Variants in IGHMBP2 observed in about 807,000 individuals in gnomAD.
The protein encoded by IGHMBP2 is DNA-binding protein SMUBP-2.
Under a neutral mutation model 96.0 loss-of-function variants are expected in IGHMBP2, and 81 were observed. The ratio of observed to expected loss-of-function variants is 0.84; its 90% CI spans 0.71 to 1.01. The LOEUF is 1.01. Among genes scored for constraint, IGHMBP2 ranks in the 50% least tolerant of loss-of-function variants. The probability of loss-of-function intolerance (pLI) is 0.00; values close to 1 mark genes in which losing one functional copy is unlikely to be tolerated. For missense variants in IGHMBP2, 1,227 were observed against 1,306.3 expected (o/e 0.94, Z 0.94); for synonymous variants, 557 against 548.9 (o/e 1.01, Z -0.21).
chr11:68,906,152 C>A lies in IGHMBP2; in HGVS notation c.170C>A (p.Thr57Asn). The A allele has an allele frequency of 6.2e-7, 1 of 1,614,194 alleles. No homozygotes were observed. The highest frequency in any genetic ancestry group is 8.5e-7 in the Non-Finnish European group (1 of 1,180,034). Reference sequence around the variant, plus strand: ...AAGCTGCAGGTATCCAGCCAGCGCACTGGGCTGTACGGACGGCTGCTGGTC... The same window carrying A: ...AAGCTGCAGGTATCCAGCCAGCGCAATGGGCTGTACGGACGGCTGCTGGTC... Reference protein sequence around the residue: ...LLKLQVSSQRTGLYGRLLVTF... With the variant: ...LLKLQVSSQRNGLYGRLLVTF... Residue 57 changes from threonine (T) to asparagine (N), a missense_variant, in exon 2 of 15, where the codon ACT (threonine) becomes AAT (asparagine). Thr to Asn is a moderately conservative substitution (Grantham distance 65, BLOSUM62 0). Transcript: ENST00000255078.
intron 5 of IGHMBP2, among the ~76,000 whole-genome samples, chr11:68,911,834 G>A (rs1221246600): frequency 3.9e-5 from 6 of 152,258 alleles, no homozygotes; most frequent in Non-Finnish European, 8.8e-5. Flanking sequence ...GGCTCCTGGA[G>A]CCCTTTGAGG....
chr11:68,906,234 T>G lies in IGHMBP2; in HGVS notation c.252T>G (p.Thr84=). 6.2e-7 allele frequency: 1 copy of G among 1,614,046 alleles called. No individual in the cohort carries two copies. The highest frequency in any genetic ancestry group is 1.3e-5 in the African/African-American group (1 of 75,032). Residue 84 remains threonine (T), a synonymous_variant, in exon 2 of 15, where the codon ACT becomes ACG. Transcript: ENST00000255078. Reference sequence around the variant, plus strand: ...CAGCTCTTCCCAGTAACAGCTTTACTTCTGGTGTGTGCGTATTGACCTAGA... The same window carrying G: ...CAGCTCTTCCCAGTAACAGCTTTACGTCTGGTGTGTGCGTATTGACCTAGA... The part of the protein sequence containing the change: ...SAAALPSNSF[T]SGDIVGLYDA...
In IGHMBP2 at chr11:68,936,393, C is replaced by T. The variant is rs747465472; in HGVS notation, c.1913C>T (p.Thr638Met). 3.6e-5 allele frequency: 58 copies of T among 1,614,072 alleles called. No individual in the cohort carries two copies. The highest frequency in any genetic ancestry group is 1.1e-4 in the African/African-American group (8 of 74,928). The change falls in exon 13 of 15, where the codon ACG becomes ATG. Residue 638 changes from threonine to methionine, a missense_variant. Thr to Met is a moderately conservative substitution (Grantham distance 81, BLOSUM62 -1). Around this residue, in one of 3 missense-constraint regions of IGHMBP2, gnomAD observed 703 missense variants for 770.3 expected, o/e 0.91. Transcript: ENST00000255078. ...TTCACACAGCATGGGGAAGTACGCACGGCCTTTGAGTATCTTGACGATATT... is the reference window on the plus strand; with the variant it reads ...TTCACACAGCATGGGGAAGTACGCATGGCCTTTGAGTATCTTGACGATATT... Reference protein sequence around the residue: ...EYFTQHGEVRTAFEYLDDIVP... With the variant: ...EYFTQHGEVRMAFEYLDDIVP...
At chr11:68,934,390 C>T (rs960228395) in intron 10 of IGHMBP2, 74 bp from the exon 11 acceptor site, 13 of 1,068,452 alleles carry the variant, frequency 1.2e-5, no homozygotes, top group African/African-American at 9.4e-5. Context: ...GAAACGTGCC[C>T]GAAACACGTG....
chr11:68,934,225 G>C, intron 10 of IGHMBP2: 1 of 627,724 alleles, frequency 1.6e-6, no homozygotes, highest in Non-Finnish European at 2.9e-6. Flanking sequence ...CCAGTTCCAC[G>C]TTGAACAGGA....
chr11:68,934,737 T>C (rs1220123009), intron 11 of IGHMBP2, among the ~76,000 whole-genome samples, 179 bp downstream of exon 11: 1 of 152,232 alleles, frequency 6.6e-6, no homozygotes, highest in Non-Finnish European at 1.5e-5. Context: ...TGCGTGTTCG[T>C]CTGCCCGCCC....
At position 68,919,205 on chromosome 11, in the gene IGHMBP2, G is replaced by T. The variant is rs140996763; in HGVS notation, c.1060+1322G>T. 3.9e-4 allele frequency among the ~76,000 whole-genome samples: 52 copies of T among 134,208 alleles called. No individual in the cohort carries two copies. In the East Asian group the frequency reaches 0.013, roughly 34 times the overall value. 88.0% of individuals were successfully genotyped at this position (134,208 alleles called of 152,430 possible). ...CCCTCCCCTCCCCGTCCCCGTCCCC[G>T]TCCTGTGTGGGATCTCACTGTGTTG... On this transcript the variant is annotated intron_variant, in intron 7 of 14. Transcript: ENST00000255078.
intron 8 of IGHMBP2, chr11:68,929,948 G>T: frequency 9.2e-7 from 1 of 1,084,658 alleles, no homozygotes; most frequent in African/African-American, 1.7e-5. Flanking sequence ...AGGCTGTCTT[G>T]GTGGAGAAAG....
In IGHMBP2 at chr11:68,936,932, C is replaced by T; in HGVS notation, c.2452C>T (p.Pro818Ser). The T allele has an allele frequency of 1.9e-6, 3 of 1,603,942 alleles. No homozygotes were observed. The highest frequency in any genetic ancestry group is 2.6e-6 in the Non-Finnish European group (3 of 1,175,658). ...VPPTPAQTEQ[P>S]PREQRGPDQP... Reference sequence around the variant, plus strand: ...CCCTACCCCTGCGCAGACAGAGCAGCCTCCCAGGGAGCAGCGTGGCCCAGA... The same window carrying T: ...CCCTACCCCTGCGCAGACAGAGCAGTCTCCCAGGGAGCAGCGTGGCCCAGA... The change falls in exon 13 of 15, where the codon CCT (proline) becomes TCT (serine). Residue 818 changes from proline (P) to serine (S), a missense_variant. Physicochemically the swap from Pro to Ser is moderately conservative, Grantham distance 74 (BLOSUM62 -1). Transcript: ENST00000255078.
At chr11:68,907,457 A>G (rs1858247010) in intron 2 of IGHMBP2, among the ~76,000 whole-genome samples, 1 of 152,158 alleles carries the variant, frequency 6.6e-6, no homozygotes, top group Admixed American at 6.5e-5. Flanking sequence ...CTTCTTAACC[A>G]CACGCCTGGG....
intron 8 of IGHMBP2, chr11:68,930,084 CCT>C: frequency 2.6e-6 from 3 of 1,172,950 alleles, no homozygotes; most frequent in Admixed American, 3.9e-5. Context: ...GCGGGCGTGC[CCT>C]CTCTCCAGAT....
intron 14 of IGHMBP2, 93 bp from the exon 15 acceptor site, chr11:68,939,441 C>A: frequency 1.5e-6 from 2 of 1,321,476 alleles, no homozygotes; most frequent in South Asian, 1.2e-5. Flanking sequence ...TCTGTTGGGG[C>A]GCCTGTGGCC....
chr11:68,925,270 T>C (rs548985067), intron 7 of IGHMBP2, among the ~76,000 whole-genome samples: 1 of 151,836 alleles, frequency 6.6e-6, no homozygotes, highest in African/African-American at 2.4e-5. Context: ...CTCAGCCTCC[T>C]GAGTAGCTGG....
Position 68,933,930 on chromosome 11 carries a change from A to G in IGHMBP2, c.1537+17A>G, listed in dbSNP as rs1164525405. On this transcript the variant is annotated intron_variant, in intron 10 of 14. Coordinates refer to ENST00000255078, the MANE Select transcript of IGHMBP2 (RefSeq NM_002180.3). ...GGAACCCTGGTGAGCTTGCTTGCAG[A>G]TGGCCAGCTTTTTTGTTTAAACATA... 2.0e-6 allele frequency: 3 copies of G among 1,526,526 alleles called. No individual in the cohort carries two copies. The highest frequency in any genetic ancestry group is 1.4e-5 in the African/African-American group (1 of 73,216). 94.6% of individuals were successfully genotyped at this position (1,526,526 alleles called of 1,614,324 possible). A position where few individuals can be genotyped will look rare whatever the true frequency, so the allele number is the denominator to read the frequency against.
Position 68,928,786 on chromosome 11 carries a change from G to C in IGHMBP2, c.1061-397G>C, listed in dbSNP as rs552817490. Among the ~76,000 whole-genome samples the C allele has an allele frequency of 2.0e-5, 3 of 152,260 alleles. No homozygotes were observed. In the East Asian group the frequency reaches 5.8e-4, roughly 29 times the overall value. On this transcript the variant is annotated intron_variant, in intron 7 of 14. Coordinates refer to ENST00000255078, the MANE Select transcript of IGHMBP2 (RefSeq NM_002180.3). ...CCAAATACATGGAGGCTTTTTTCTG[G>C]GTGAGTGCCCAGCAGTTGATTGTTC...
chr11:68,938,180 A>G lies in IGHMBP2; in HGVS notation c.2612-2A>G. 1 of 1,614,054 alleles carries G rather than the reference A, an allele frequency of 6.2e-7. No homozygotes were observed. Among genetic ancestry groups the G allele is most frequent in the Non-Finnish European group, 8.5e-7 (1 of 1,180,022 alleles). ...TGCCTGAGTGACGCGGGTCTTCTCC[A>G]GGACATCCGGCCACAGATCTGCCCA... On this transcript the variant is annotated splice_acceptor_variant, in intron 13 of 14. Coordinates refer to ENST00000255078, the MANE Select transcript of IGHMBP2 (RefSeq NM_002180.3). LOFTEE classifies it high-confidence loss of function.
Position 68,935,891 on chromosome 11 carries a change from G to A in IGHMBP2, c.1757-346G>A, listed in dbSNP as rs114822223. ...AGAAGGCAGAAAGCAGGTGAGGCCT[G>A]GCTAGAAGCTATGGGGGAAAGAAGG... is the stretch of plus-strand genomic sequence containing the variant. On this transcript the variant is annotated intron_variant, in intron 12 of 14. Coordinates refer to ENST00000255078, the MANE Select transcript of IGHMBP2 (RefSeq NM_002180.3). Among the ~76,000 whole-genome samples, 1,280 of 152,336 alleles carry A rather than the reference G, an allele frequency of 8.4e-3. 18 individuals carry two copies. Among genetic ancestry groups the A allele is most frequent in the African/African-American group, 0.029 (1,212 of 41,570 alleles).
chr11:68,912,146 A>G (rs1858462890), intron 5 of IGHMBP2, among the ~76,000 whole-genome samples: 2 of 151,982 alleles, frequency 1.3e-5, no homozygotes, highest in South Asian at 4.2e-4. Context: ...TTTTTTGGAG[A>G]CGGAGCCTCA....
chr11:68,914,709 C>T (rs898006113), intron 5 of IGHMBP2, 114 bp from the exon 6 acceptor site: 16 of 1,061,336 alleles, frequency 1.5e-5, no homozygotes, highest in East Asian at 9.4e-5. Context: ...ATTGAGAGCA[C>T]GTGTGTACAT....
Sources: gnomAD v4.1 joint callset for allele counts (sites outside exome capture counted in the v4.1 genomes callset) on GRCh38, gnomAD v4.1.1 for gene constraint, gnomAD v4.1.1 regional missense constraint, MANE v1.5 for transcripts, NCBI Gene and HGNC (gene_info 2026-07-23, HGNC 2026-07-21) for gene names.